The following KCNH7 variants were observed in gnomAD, a reference collection of about 807,000 sequenced individuals.
The protein encoded by KCNH7 is potassium voltage-gated channel subfamily H member 7, also known as voltage-gated inwardly rectifying potassium channel KCNH7.
KCNH7 carries 49 observed loss-of-function variants against 120.8 expected under a neutral mutation model. That is an observed-to-expected ratio of 0.41 (90% CI 0.32 to 0.51). The LOEUF (loss-of-function observed/expected upper bound fraction) is 0.51, where lower values mean the gene tolerates loss of function less well. KCNH7 is among the 20% of genes least tolerant of loss of function. The probability of loss-of-function intolerance (pLI) is 0.38; values close to 1 mark genes in which losing one functional copy is unlikely to be tolerated. For missense variants in KCNH7, 1,097 were observed against 1,446.6 expected (o/e 0.76, Z 3.92); for synonymous variants, 547 against 516.1 (o/e 1.06, Z -0.81).
intron 2 of KCNH7, among the ~76,000 whole-genome samples, chr2:162,705,943 G>C (rs1389901920): frequency 1.3e-5 from 2 of 152,118 alleles, no homozygotes; most frequent in Non-Finnish European, 2.9e-5. Flanking sequence ...TAGAATATCA[G>C]AAAGAAAACA....
At chr2:162,490,219 A>G (rs1690248313) in intron 6 of KCNH7, among the ~76,000 whole-genome samples, 1 of 152,230 alleles carries the variant, frequency 6.6e-6, no homozygotes, top group Admixed American at 6.5e-5. Flanking sequence ...CAGTGGCCTA[A>G]GGGGCCACAT....
intron 13 of KCNH7, among the ~76,000 whole-genome samples, chr2:162,384,022 A>G (rs1234620719): frequency 6.6e-6 from 1 of 151,820 alleles, no homozygotes; most frequent in East Asian, 1.9e-4. Context: ...TGGTATGCTA[A>G]AATAGTTGTT....
chr2:162,673,165 T>C (rs565682616), intron 2 of KCNH7, among the ~76,000 whole-genome samples: 7 of 152,096 alleles, frequency 4.6e-5, no homozygotes, highest in Non-Finnish European at 1.0e-4. Flanking sequence ...AAGGATTATA[T>C]AAATATTTAT....
chr2:162,476,149 G>T (rs887559791), intron 6 of KCNH7, among the ~76,000 whole-genome samples: 1 of 152,096 alleles, frequency 6.6e-6, no homozygotes, highest in East Asian at 1.9e-4. Flanking sequence ...GGAGTCTGGC[G>T]CCCATTAATG....
chr2:162,813,133 G>A (rs1684793422), intron 2 of KCNH7, among the ~76,000 whole-genome samples: 1 of 152,116 alleles, frequency 6.6e-6, no homozygotes, highest in Admixed American at 6.6e-5. Flanking sequence ...CAAAGACTAG[G>A]GAGACAGGAA....
intron 8 of KCNH7, among the ~76,000 whole-genome samples, chr2:162,432,966 T>A (rs796405289): frequency 6.6e-5 from 10 of 152,156 alleles, no homozygotes; most frequent in African/African-American, 2.2e-4. Flanking sequence ...ACAGAATCAA[T>A]GTGCAAAAAT....
intron 2 of KCNH7, among the ~76,000 whole-genome samples, chr2:162,722,901 G>A (rs577140445): frequency 7.6e-6 from 1 of 132,284 alleles, no homozygotes; most frequent in East Asian, 2.4e-4. Flanking sequence ...AATCTAGTCT[G>A]CTGCTGAAAT....
intron 2 of KCNH7, among the ~76,000 whole-genome samples, chr2:162,653,090 G>A (rs897405252): frequency 6.6e-6 from 1 of 152,066 alleles, no homozygotes; most frequent in Non-Finnish European, 1.5e-5. Flanking sequence ...GCCTAACTAA[G>A]CTCTCGATTT....
intron 2 of KCNH7, among the ~76,000 whole-genome samples, chr2:162,631,409 A>T (rs914252066): frequency 6.6e-6 from 1 of 152,120 alleles, no homozygotes; most frequent in African/African-American, 2.4e-5. Context: ...TGGTTAAGAC[A>T]TGGTAAAAAT....
chr2:162,624,980 CT>C (rs1319781105), intron 2 of KCNH7, among the ~76,000 whole-genome samples: 1 of 148,544 alleles, frequency 6.7e-6, no homozygotes, highest in Non-Finnish European at 1.5e-5. Context: ...TCACCTCCAC[CT>C]CCACCTCCGA....
intron 2 of KCNH7, among the ~76,000 whole-genome samples, chr2:162,737,169 C>A (rs1305759609): frequency 6.6e-6 from 1 of 152,154 alleles, no homozygotes; most frequent in African/African-American, 2.4e-5. Flanking sequence ...TAGTTCCAAG[C>A]ACCTCTGGGG....
At chr2:162,474,621 GT>G (rs1376594986) in intron 6 of KCNH7, among the ~76,000 whole-genome samples, 1 of 152,218 alleles carries the variant, frequency 6.6e-6, no homozygotes, top group African/African-American at 2.4e-5. Flanking sequence ...ACTATGTTAA[GT>G]TGTAAAAAGG....
At chr2:162,826,368 C>A (rs1685285930) in intron 2 of KCNH7, among the ~76,000 whole-genome samples, 1 of 152,046 alleles carries the variant, frequency 6.6e-6, no homozygotes, top group African/African-American at 2.4e-5. Flanking sequence ...TGTGGATGTT[C>A]CATCAGAATC....
chr2:162,552,459 A>G (rs1276412438), intron 2 of KCNH7, among the ~76,000 whole-genome samples: 1 of 152,232 alleles, frequency 6.6e-6, no homozygotes, highest in Non-Finnish European at 1.5e-5. Context: ...GCAATCACTA[A>G]CAGTATTTGC....
intron 2 of KCNH7, among the ~76,000 whole-genome samples, chr2:162,661,055 T>C (rs980641049): frequency 2.6e-5 from 4 of 152,188 alleles, no homozygotes; most frequent in African/African-American, 9.6e-5. Flanking sequence ...TTGAAGAAAC[T>C]ACCACACATT....
chr2:162,761,805 T>C (rs930543684), intron 2 of KCNH7, among the ~76,000 whole-genome samples: 5 of 151,922 alleles, frequency 3.3e-5, no homozygotes, highest in Non-Finnish European at 7.4e-5. Flanking sequence ...TCGATAAGAG[T>C]GGATGGTGGT....
chr2:162,749,015 C>T (rs1301991565), intron 2 of KCNH7, among the ~76,000 whole-genome samples: 1 of 144,070 alleles, frequency 6.9e-6, no homozygotes, highest in African/African-American at 2.6e-5. Flanking sequence ...CACTGAAAAG[C>T]ACAGAAGACA....
intron 6 of KCNH7, among the ~76,000 whole-genome samples, chr2:162,475,491 GGT>G (rs1689704209): frequency 6.6e-6 from 1 of 151,954 alleles, no homozygotes; most frequent in Admixed American, 6.6e-5. Flanking sequence ...TCCATATTTG[GGT>G]GTATGTAAGA....
intron 3 of KCNH7, among the ~76,000 whole-genome samples, chr2:162,528,669 T>C (rs1483257752): frequency 6.6e-6 from 1 of 151,960 alleles, no homozygotes; most frequent in Non-Finnish European, 1.5e-5. Context: ...GAGTCTTATA[T>C]TTTAGGCAAT....
Sources: allele counts gnomAD v4.1 joint callset (sites outside exome capture counted in the v4.1 genomes callset), GRCh38; gene constraint gnomAD v4.1.1; transcripts MANE v1.5; gene names NCBI Gene and HGNC (gene_info 2026-07-23, HGNC 2026-07-21).